The following ADAMTS19 variants were observed in gnomAD, a reference collection of about 807,000 sequenced individuals.
ADAMTS19 encodes A disintegrin and metalloproteinase with thrombospondin motifs 19.
Under a neutral mutation model 153.3 loss-of-function variants are expected in ADAMTS19, and 93 were observed. That is an observed-to-expected ratio of 0.61 (90% CI 0.51 to 0.72). The LOEUF is 0.72. Ranked by LOEUF, ADAMTS19 falls within the 30% of genes least tolerant of loss-of-function variation. The pLI is 0.00. For synonymous variants in ADAMTS19, 600 were observed against 556.6 expected (o/e 1.08, Z -1.10); for missense variants, 1,482 against 1,552.1 (o/e 0.95, Z 0.76).
chr5:129,615,386 C>T (rs1751465494), intron 8 of ADAMTS19, among the ~76,000 whole-genome samples: 1 of 151,880 alleles, frequency 6.6e-6, no homozygotes, highest in Admixed American at 6.6e-5. Flanking sequence ...TCATTGCTTT[C>T]CAGAATTTTA....
chr5:129,538,872 C>G (rs544529620), intron 6 of ADAMTS19, among the ~76,000 whole-genome samples: 133 of 152,094 alleles, frequency 8.7e-4, no homozygotes, highest in African/African-American at 3.0e-3. Flanking sequence ...AATATATTGT[C>G]ATATTATAAG....
chr5:129,570,011 C>T (rs1025701999), intron 7 of ADAMTS19, among the ~76,000 whole-genome samples: 2 of 151,920 alleles, frequency 1.3e-5, no homozygotes, highest in East Asian at 1.9e-4. Flanking sequence ...CCTATTTCTT[C>T]GGATAATTCT....
intron 18 of ADAMTS19, among the ~76,000 whole-genome samples, chr5:129,686,098 G>A (rs1257919912): frequency 1.3e-5 from 2 of 152,186 alleles, no homozygotes; most frequent in Admixed American, 6.5e-5. Flanking sequence ...GTAATAGTCT[G>A]TTTAAAGTCA....
chr5:129,587,617 C>T (rs1324255365), intron 7 of ADAMTS19, among the ~76,000 whole-genome samples: 5 of 152,142 alleles, frequency 3.3e-5, no homozygotes, highest in Admixed American at 3.3e-4. Flanking sequence ...CTGTTCGGCT[C>T]TTCAGAGGTT....
At chr5:129,729,284 G>T (rs868271656) in intron 21 of ADAMTS19, among the ~76,000 whole-genome samples, 2 of 151,822 alleles carry the variant, frequency 1.3e-5, no homozygotes, top group Non-Finnish European at 2.9e-5. Flanking sequence ...GACATTATTT[G>T]AAAAGATATT....
At chr5:129,575,986 C>T (rs1257332159) in intron 7 of ADAMTS19, among the ~76,000 whole-genome samples, 1 of 141,938 alleles carries the variant, frequency 7.0e-6, no homozygotes, top group Admixed American at 7.2e-5. Flanking sequence ...TAGCTGCAGA[C>T]ATAATTTTTT....
chr5:129,596,451 TGACA>T (rs1161692336), intron 7 of ADAMTS19, 104 bp from the exon 8 acceptor site: 2 of 756,532 alleles, frequency 2.6e-6, no homozygotes, highest in Non-Finnish European at 4.2e-6. Flanking sequence ...AGATTAATAC[TGACA>T]TTTTAGTCGT....
chr5:129,572,583 C>T (rs1753951163), intron 7 of ADAMTS19, among the ~76,000 whole-genome samples: 1 of 151,884 alleles, frequency 6.6e-6, no homozygotes, highest in African/African-American at 2.4e-5. Flanking sequence ...AAATGCTATT[C>T]AGCAATGAAA....
chr5:129,724,988 C>T (rs187512122), intron 21 of ADAMTS19, among the ~76,000 whole-genome samples: 8 of 152,200 alleles, frequency 5.3e-5, no homozygotes, highest in African/African-American at 1.9e-4. Flanking sequence ...CCTATTGGCA[C>T]AGTTGCCGGC....
chr5:129,481,486 C>T (rs1580992535), intron 2 of ADAMTS19, among the ~76,000 whole-genome samples: 1 of 152,262 alleles, frequency 6.6e-6, no homozygotes, highest in Admixed American at 6.5e-5. Flanking sequence ...CTCTGATTAA[C>T]ACTCTTGCTC....
chr5:129,564,710 G>C (rs1753644198), intron 7 of ADAMTS19, among the ~76,000 whole-genome samples: 1 of 152,036 alleles, frequency 6.6e-6, no homozygotes, highest in Non-Finnish European at 1.5e-5. Flanking sequence ...AGGTGATATG[G>C]CTCTAAACAC....
At chr5:129,533,551 G>A (rs920458804) in intron 6 of ADAMTS19, among the ~76,000 whole-genome samples, 5 of 152,194 alleles carry the variant, frequency 3.3e-5, no homozygotes, top group African/African-American at 1.2e-4. Flanking sequence ...CCAGCTCCTG[G>A]ATTCATTGAT....
intron 6 of ADAMTS19, among the ~76,000 whole-genome samples, chr5:129,549,838 GTAT>G (rs1753002766): frequency 8.1e-6 from 1 of 123,038 alleles, no homozygotes; most frequent in Non-Finnish European, 1.7e-5. Flanking sequence ...ATGTATATAT[GTAT>G]CTATATATAC....
chr5:129,730,803 C>T (rs1289825784), intron 21 of ADAMTS19, among the ~76,000 whole-genome samples: 1 of 152,104 alleles, frequency 6.6e-6, no homozygotes, highest in Non-Finnish European at 1.5e-5. Flanking sequence ...TCCTGTCATT[C>T]TGAAGTGTAC....
intron 7 of ADAMTS19, among the ~76,000 whole-genome samples, chr5:129,594,931 T>A (rs1249826444): frequency 6.6e-6 from 1 of 152,082 alleles, no homozygotes; most frequent in African/African-American, 2.4e-5. Flanking sequence ...TGTCTATTCA[T>A]CCATCCGTCC....
At chr5:129,520,453 C>T (rs1421830) in intron 3 of ADAMTS19, among the ~76,000 whole-genome samples, 17,300 of 152,118 alleles carry the variant, frequency 0.11, 1,093 homozygotes, top group Middle Eastern at 0.16. Flanking sequence ...TAACGTCAGC[C>T]TCTAAAGACA....
chr5:129,713,758 T>TA (rs370266801), intron 21 of ADAMTS19, among the ~76,000 whole-genome samples: 4,184 of 128,302 alleles, frequency 0.033, 135 homozygotes, highest in African/African-American at 0.098. Flanking sequence ...AGACTCTATC[T>TA]AAAAAAAAAA....
intron 6 of ADAMTS19, among the ~76,000 whole-genome samples, chr5:129,546,707 T>A (rs1377588923): frequency 1.3e-5 from 2 of 151,074 alleles, no homozygotes; most frequent in African/African-American, 4.9e-5. Context: ...TTACCATTCA[T>A]AGATAGATCC....
chr5:129,603,163 C>T (rs72790690), intron 8 of ADAMTS19, among the ~76,000 whole-genome samples: 13,069 of 152,152 alleles, frequency 0.086, 632 homozygotes, highest in Middle Eastern at 0.16. Context: ...CAAATGGCAG[C>T]GAGTGCACAG....
Sources: allele counts gnomAD v4.1 joint callset (sites outside exome capture counted in the v4.1 genomes callset), GRCh38; gene constraint gnomAD v4.1.1; transcripts MANE v1.5; gene names NCBI Gene and HGNC (gene_info 2026-07-23, HGNC 2026-07-21).